Variants in NRP2 observed in about 807,000 individuals in gnomAD.
The protein encoded by NRP2 is neuropilin-2.
Under a neutral mutation model 110.4 loss-of-function variants are expected in NRP2, and 52 were observed. The ratio of observed to expected loss-of-function variants is 0.47; its 90% CI spans 0.38 to 0.59. The LOEUF (loss-of-function observed/expected upper bound fraction) is 0.59. Among genes scored for constraint, NRP2 ranks in the 20% least tolerant of loss-of-function variants. The pLI is 0.00. For synonymous variants in NRP2, 508 were observed against 468.9 expected, an observed-to-expected ratio of 1.08 and a Z score of -1.08; for missense variants, 1,049 against 1,203.0, an observed-to-expected ratio of 0.87 and a Z score of 1.89.
At chr2:205,696,910 G>A (rs1045155383) in intron 1 of NRP2, among the ~76,000 whole-genome samples, 1 of 152,040 alleles carries the variant, frequency 6.6e-6, no homozygotes, top group Non-Finnish European at 1.5e-5. Context: ...GGTATATATG[G>A]AATTAAATGT....
intron 15 of NRP2, chr2:205,776,368 C>G: frequency 6.2e-7 from 1 of 1,613,324 alleles, no homozygotes. Context: ...CTCCGTCGCG[C>G]TGGCCCTGGT....
intron 15 of NRP2, among the ~76,000 whole-genome samples, chr2:205,782,307 T>C (rs190504394): frequency 1.3e-3 from 201 of 152,076 alleles, no homozygotes; most frequent in African/African-American, 4.8e-3. Context: ...ACAACAGAGG[T>C]ACTTGAGGGA....
At chr2:205,782,461 C>T (rs544452911) in intron 15 of NRP2, among the ~76,000 whole-genome samples, 3 of 152,180 alleles carry the variant, frequency 2.0e-5, no homozygotes, top group African/African-American at 7.2e-5. Context: ...TAAACATGCT[C>T]AAAAAGTGCA....
intron 15 of NRP2, among the ~76,000 whole-genome samples, chr2:205,774,304 G>A (rs2058065822): frequency 6.6e-6 from 1 of 151,928 alleles, no homozygotes; most frequent in Admixed American, 6.6e-5. Context: ...ACAAATATGA[G>A]AGAGAGAGAG....
At chr2:205,718,490 G>T (rs1559323368) in intron 3 of NRP2, among the ~76,000 whole-genome samples, 1 of 152,096 alleles carries the variant, frequency 6.6e-6, no homozygotes, top group African/African-American at 2.4e-5. Flanking sequence ...AAGGATTGGG[G>T]TTGCCTAGTG....
chr2:205,754,593 C>T (rs1472749113), intron 12 of NRP2, among the ~76,000 whole-genome samples: 1 of 152,192 alleles, frequency 6.6e-6, no homozygotes, highest in Non-Finnish European at 1.5e-5. Flanking sequence ...AATGAGCCTC[C>T]TGCACGTTGG....
Position 205,794,826 on chromosome 2 carries a change from A to C in NRP2, c.2549A>C (p.Glu850Ala). ...SGSGAPSTDK[E>A]KSWLYTLDPI... ...TCTGGCGCCCCCTCGACCGACAAAG[A>C]AAAGAGCTGGCTGTACACCCTGGAT... The change falls in exon 17 of 17, where the codon GAA becomes GCA. Residue 850 changes from glutamate (E) to alanine (A), a missense_variant. Physicochemically the swap from Glu to Ala is moderately radical, Grantham distance 107. Transcript: ENST00000357785. 6.2e-7 allele frequency: 1 copy of C among 1,614,152 alleles called. No individual in the cohort carries two copies. Among genetic ancestry groups the C allele is most frequent in the Non-Finnish European group, 8.5e-7 (1 of 1,180,028 alleles).
intron 15 of NRP2, among the ~76,000 whole-genome samples, chr2:205,770,618 G>T (rs537764875): frequency 6.6e-6 from 1 of 151,956 alleles, no homozygotes; most frequent in African/African-American, 2.4e-5. Context: ...TTCCTCCCAC[G>T]CCTCCTTCTC....
intron 2 of NRP2, among the ~76,000 whole-genome samples, chr2:205,714,968 G>T (rs1361642094): frequency 6.6e-6 from 1 of 152,180 alleles, no homozygotes; most frequent in South Asian, 2.1e-4. Flanking sequence ...CCACAGAAGG[G>T]TGCATTCCCA....
chr2:205,703,352 G>A (rs1219966106), intron 2 of NRP2, among the ~76,000 whole-genome samples: 1 of 152,200 alleles, frequency 6.6e-6, no homozygotes, highest in Non-Finnish European at 1.5e-5. Context: ...TATGTGCTAA[G>A]CACGTTGGTA....
intron 7 of NRP2, among the ~76,000 whole-genome samples, chr2:205,734,406 C>T (rs73064199): frequency 2.7e-5 from 4 of 149,852 alleles, no homozygotes; most frequent in Non-Finnish European, 4.4e-5. Context: ...ACCGCCCCCC[C>T]CCACCCCGCA....
chr2:205,766,844 G>C (rs1465602192), intron 15 of NRP2, 41 bp downstream of exon 15: 1 of 1,578,696 alleles, frequency 6.3e-7, no homozygotes, highest in Admixed American at 1.7e-5. Context: ...TTTTTTGCAT[G>C]CTTTTTCCTT....
chr2:205,732,990 G>A (rs1220186549), intron 7 of NRP2, among the ~76,000 whole-genome samples: 1 of 152,170 alleles, frequency 6.6e-6, no homozygotes, highest in Non-Finnish European at 1.5e-5. Context: ...ATGGGCACCA[G>A]CCTTCAGAAG....
At chr2:205,711,782 G>A (rs965028915) in intron 2 of NRP2, among the ~76,000 whole-genome samples, 3 of 152,166 alleles carry the variant, frequency 2.0e-5, no homozygotes, top group Non-Finnish European at 4.4e-5. Flanking sequence ...GTTCTGTGTG[G>A]CATCCCTAAA....
At chr2:205,722,165 T>TACACACA (rs1559326187) in intron 3 of NRP2, 50 of 337,566 alleles carry the variant, frequency 1.5e-4, no homozygotes, top group African/African-American at 1.0e-3. Context: ...TCTCTCTCTC[T>TACACACA]CTCTCATACA....
chr2:205,711,006 A>G (rs1005666280), intron 2 of NRP2, among the ~76,000 whole-genome samples: 1 of 152,212 alleles, frequency 6.6e-6, no homozygotes, highest in Non-Finnish European at 1.5e-5. Flanking sequence ...TCAAAATGTT[A>G]TATTTCATGT....
chr2:205,729,095 G>A (rs746220299), intron 7 of NRP2, among the ~76,000 whole-genome samples: 5 of 152,220 alleles, frequency 3.3e-5, no homozygotes, highest in Admixed American at 3.3e-4. Flanking sequence ...CTCAGCCCCT[G>A]TCACTGCCCC....
At chr2:205,785,670 C>T (rs1274308760) in intron 15 of NRP2, among the ~76,000 whole-genome samples, 2 of 152,332 alleles carry the variant, frequency 1.3e-5, no homozygotes, top group East Asian at 3.9e-4. Flanking sequence ...TCTCTGGCTG[C>T]ATTTTTCTTC....
rs553917828 is a variant in NRP2, at chr2:205,745,651, C to T, written c.1642-95C>T. ...CTAGGAAGCTGCCTTCCTAGCAGGACGTGCGGGGCAGGGAGGAGAAGGGGA... is the reference window on the plus strand; with the variant it reads ...CTAGGAAGCTGCCTTCCTAGCAGGATGTGCGGGGCAGGGAGGAGAAGGGGA... On this transcript the variant is annotated intron_variant, in intron 9 of 16. Transcript: ENST00000357785. 57 of 1,441,528 alleles carry T rather than the reference C, an allele frequency of 4.0e-5. No homozygotes were observed. In the East Asian group the frequency reaches 4.2e-4, roughly 11 times the overall value. The allele number at this position is 1,441,528 out of a possible 1,614,324, so 89.3% of individuals were successfully genotyped here.
Sources: allele counts gnomAD v4.1 joint callset (sites outside exome capture counted in the v4.1 genomes callset), GRCh38; gene constraint gnomAD v4.1.1; transcripts MANE v1.5; gene names NCBI Gene and HGNC (gene_info 2026-07-23, HGNC 2026-07-21).